The following TRPM7 variants were observed in gnomAD, a reference collection of about 807,000 sequenced individuals.
The protein encoded by TRPM7 is LTRPC ion channel family member 7.
In TRPM7, 134 loss-of-function variants were observed where a neutral mutation model predicts 229.7. The ratio of observed to expected loss-of-function variants is 0.58; its 90% CI spans 0.51 to 0.67. The LOEUF is 0.67. Ranked by LOEUF, TRPM7 falls within the 30% of genes least tolerant of loss-of-function variation. The pLI is 0.00. For missense variants in TRPM7, 1,901 were observed against 2,210.0 expected (o/e 0.86, Z 2.80); for synonymous variants, 699 against 715.2 (o/e 0.98, Z 0.36).
intron 38 of TRPM7, among the ~76,000 whole-genome samples, chr15:50,569,389 C>G (rs545957853): frequency 8.5e-5 from 13 of 152,274 alleles, no homozygotes; most frequent in Middle Eastern, 3.4e-3. Flanking sequence ...TTTCTCAATT[C>G]TTCTGCAAGG....
intron 3 of TRPM7, among the ~76,000 whole-genome samples, chr15:50,651,723 T>C (rs2061424600): frequency 6.6e-6 from 1 of 151,824 alleles, no homozygotes. Context: ...ACCCCATCTC[T>C]ACTAAAAATA....
At chr15:50,671,942 T>A (rs1052988419) in intron 1 of TRPM7, among the ~76,000 whole-genome samples, 2 of 152,112 alleles carry the variant, frequency 1.3e-5, no homozygotes, top group African/African-American at 4.8e-5. Flanking sequence ...CATATACAAC[T>A]ATGTACAGTA....
chr15:50,584,458 G>C (rs56277600), intron 28 of TRPM7, among the ~76,000 whole-genome samples: 1 of 152,092 alleles, frequency 6.6e-6, no homozygotes, highest in Non-Finnish European at 1.5e-5. Context: ...TGGGAATACA[G>C]AGTGAGAAAA....
chr15:50,640,450 TTTC>T (rs1451417487), intron 5 of TRPM7, among the ~76,000 whole-genome samples: 1 of 146,214 alleles, frequency 6.8e-6, no homozygotes, highest in Non-Finnish European at 1.5e-5. Context: ...GTAATTTTTT[TTTC>T]TTTTTTTTTT....
At chr15:50,608,830 G>A (rs1199365776) in intron 19 of TRPM7, among the ~76,000 whole-genome samples, 1 of 152,170 alleles carries the variant, frequency 6.6e-6, no homozygotes, top group Non-Finnish European at 1.5e-5. Flanking sequence ...TCAGTCCCTG[G>A]TTAAAAGTAG....
chr15:50,671,233 T>C (rs1596342472), intron 1 of TRPM7, among the ~76,000 whole-genome samples: 1 of 152,130 alleles, frequency 6.6e-6, no homozygotes, highest in East Asian at 1.9e-4. Context: ...ATAACCACCA[T>C]TCTACTCTCC....
At chr15:50,637,174 G>A (rs1449839110) in intron 7 of TRPM7, among the ~76,000 whole-genome samples, 1 of 151,394 alleles carries the variant, frequency 6.6e-6, no homozygotes, top group African/African-American at 2.4e-5. Context: ...GGGCTGAAAT[G>A]GAATTGCAAT....
At chr15:50,611,439 T>A in intron 16 of TRPM7, 118 bp from the exon 17 acceptor site, 1 of 750,188 alleles carries the variant, frequency 1.3e-6, no homozygotes, top group Non-Finnish European at 2.1e-6. Context: ...CTTACAGAAT[T>A]ATGAGGCATT....
At chr15:50,656,125 G>A (rs1378488988) in intron 3 of TRPM7, among the ~76,000 whole-genome samples, 1 of 152,164 alleles carries the variant, frequency 6.6e-6, no homozygotes, top group African/African-American at 2.4e-5. Flanking sequence ...ACCAAACTGA[G>A]AAAATTCATG....
In TRPM7 at chr15:50,662,863, G is replaced by C. The variant is rs921250496; in HGVS notation, c.83+104C>G. On this transcript the variant is annotated intron_variant, in intron 2 of 38. Transcript: ENST00000646667. ...CAGTAATTATAAAAAGTAACAGTAA[G>C]TACAAATAATTTATTTAGTGGTTTT... is the stretch of plus-strand genomic sequence containing the variant. 8.4e-6 allele frequency: 7 copies of C among 835,364 alleles called. No individual in the cohort carries two copies. The Admixed American group carries it at 1.0e-4, about 12-fold the overall frequency. The allele number at this position is 835,364 out of a possible 1,614,324, so 51.7% of individuals were successfully genotyped here. A position where few individuals can be genotyped will look rare whatever the true frequency, so the allele number is the denominator to read the frequency against.
chr15:50,612,958 T>C, intron 15 of TRPM7, 129 bp from the exon 16 acceptor site: 1 of 754,282 alleles, frequency 1.3e-6, no homozygotes, highest in Non-Finnish European at 2.0e-6. Context: ...ATAAATTTTA[T>C]AAACTTGATT....
chr15:50,601,908 C>G (rs938570562), intron 21 of TRPM7, among the ~76,000 whole-genome samples: 1 of 149,742 alleles, frequency 6.7e-6, no homozygotes, highest in African/African-American at 2.5e-5. Flanking sequence ...AAAGCTGTTT[C>G]CTCTGGTTAG....
At chr15:50,635,728 G>A (rs2060882620) in intron 7 of TRPM7, among the ~76,000 whole-genome samples, 1 of 143,912 alleles carries the variant, frequency 6.9e-6, no homozygotes, top group African/African-American at 2.6e-5. Context: ...GCCTGTAATT[G>A]CAGTACTTCA....
chr15:50,683,461 T>C (rs12437967), intron 1 of TRPM7, among the ~76,000 whole-genome samples: 1 of 150,864 alleles, frequency 6.6e-6, no homozygotes, highest in Non-Finnish European at 1.5e-5. Flanking sequence ...GAAGCCAGGG[T>C]CAGTGGCTCA....
At chr15:50,682,190 A>AAAAAAAAAAAAAAAAC (rs2062256467) in intron 1 of TRPM7, among the ~76,000 whole-genome samples, 2 of 148,454 alleles carry the variant, frequency 1.3e-5, no homozygotes, top group African/African-American at 2.4e-5. Context: ...AAAAAAAAAA[A>AAAAAAAAAAAAAAAAC]AGGACTGTGA....
Position 50,686,727 on chromosome 15 carries a change from A to C in TRPM7, c.-194T>G. On this transcript the variant is annotated 5_prime_UTR_variant, in exon 1 of 39. Transcript: ENST00000646667. ...AAGCCGAGTCTTTCATAATTGTGCG[A>C]CCAACTCCTCCGGGTGACTGGCCAC... 1 of 680,666 alleles carries C rather than the reference A, an allele frequency of 1.5e-6. No homozygotes were observed. The highest frequency in any genetic ancestry group is 2.3e-6 in the Non-Finnish European group (1 of 432,280). 42.2% of individuals were successfully genotyped at this position (680,666 alleles called of 1,614,324 possible).
chr15:50,664,378 A>G (rs2140929140), intron 1 of TRPM7, among the ~76,000 whole-genome samples: 1 of 152,198 alleles, frequency 6.6e-6, no homozygotes, highest in East Asian at 1.9e-4. Context: ...TTTCTAATAT[A>G]AATACCTAAA....
chr15:50,640,590 A>G (rs2061072527), intron 5 of TRPM7, among the ~76,000 whole-genome samples: 1 of 151,272 alleles, frequency 6.6e-6, no homozygotes, highest in Non-Finnish European at 1.5e-5. Context: ...CTGGCCCATT[A>G]TTACTTCTTA....
chr15:50,592,229 C>A lies in TRPM7; in HGVS notation c.4006G>T (p.Ala1336Ser). 6.2e-7 allele frequency: 1 copy of A among 1,614,112 alleles called. No homozygotes were observed. Among genetic ancestry groups the A allele is most frequent in the Non-Finnish European group, 8.5e-7 (1 of 1,180,030 alleles). ...TTAAATTCTTTTCTCTGGGGTACTG[C>A]AGGTAAGTCTTGACCAAATATATTA... ...QCNIFGQDLP[A>S]VPQRKEFNFP... The change falls in exon 26 of 39, where the codon GCA becomes TCA. Residue 1336 changes from alanine to serine, a missense_variant. Ala to Ser is a moderately conservative substitution (Grantham distance 99). Coordinates refer to ENST00000646667, the MANE Select transcript of TRPM7 (RefSeq NM_017672.6).
Sources: allele counts gnomAD v4.1 joint callset (sites outside exome capture counted in the v4.1 genomes callset), GRCh38; gene constraint gnomAD v4.1.1; transcripts MANE v1.5; gene names NCBI Gene and HGNC (gene_info 2026-07-23, HGNC 2026-07-21).